IFNA8: variants seen among roughly 807,000 people sequenced by gnomAD.
IFNA8 encodes interferon alpha 8, also known as interferon alpha-8.
For missense variants in IFNA8, 246 were observed against 212.3 expected, an observed-to-expected ratio of 1.16 and a Z score of -0.99; for synonymous variants, 91 against 84.4, an observed-to-expected ratio of 1.08 and a Z score of -0.43.
In IFNA8 at chr9:21,409,298, T is replaced by G. The variant is rs1818011325; in HGVS notation, c.122T>G (p.Leu41Arg). Reference sequence around the variant, plus strand: ...GGTAACAGGAGGGCCTTGATACTCCTGGCACAAATGCGAAGAATCTCTCCT... The same window carrying G: ...GGTAACAGGAGGGCCTTGATACTCCGGGCACAAATGCGAAGAATCTCTCCT... ...SLGNRRALILLAQMRRISPFS... is the reference protein window; with the variant it reads ...SLGNRRALILRAQMRRISPFS... The change falls in exon 1 of 1, where the codon CTG (leucine) becomes CGG (arginine). Residue 41 changes from leucine to arginine, a missense_variant. Transcript: ENST00000380205. 5.6e-6 allele frequency: 9 copies of G among 1,614,074 alleles called. No homozygotes were observed. The highest frequency in any genetic ancestry group is 1.7e-5 in the Admixed American group (1 of 60,012).
chr9:21,409,216 C>G lies in IFNA8; in HGVS notation c.40C>G (p.Leu14Val). 6.2e-7 allele frequency: 1 copy of G among 1,613,992 alleles called. No individual in the cohort carries two copies. Among genetic ancestry groups the G allele is most frequent in the Non-Finnish European group, 8.5e-7 (1 of 1,179,892 alleles). ...TTATTTACTGGTGGCCCTAGTGGTG[C>G]TCAGCTACAAGTCATTCAGCTCTCT... Reference protein sequence around the residue: ...TFYLLVALVVLSYKSFSSLGC... With the variant: ...TFYLLVALVVVSYKSFSSLGC... Residue 14 changes from leucine (L) to valine (V), a missense_variant, in exon 1 of 1, where the codon CTC becomes GTC. Leu to Val is a conservative substitution (Grantham distance 32, BLOSUM62 1). Transcript: ENST00000380205.
Position 21,409,848 on chromosome 9 carries a change from C to A in IFNA8, c.*102C>A. The A allele has an allele frequency of 9.3e-7, 1 of 1,069,940 alleles. No homozygotes were observed. Among genetic ancestry groups the A allele is most frequent in the Non-Finnish European group, 1.4e-6 (1 of 718,034 alleles). The allele number at this position is 1,069,940 out of a possible 1,614,324, so 66.3% of individuals were successfully genotyped here. A position where few individuals can be genotyped will look rare whatever the true frequency, so the allele number is the denominator to read the frequency against. ...GACCCTTGTTTCTGCCAAAACCATGCTATGAATTGAATCAAATGTGTCAAG... is the reference window on the plus strand; with the variant it reads ...GACCCTTGTTTCTGCCAAAACCATGATATGAATTGAATCAAATGTGTCAAG... On this transcript the variant is annotated 3_prime_UTR_variant, in exon 1 of 1. Coordinates refer to ENST00000380205, the MANE Select transcript of IFNA8 (RefSeq NM_002170.4).
At position 21,409,697 on chromosome 9, in the gene IFNA8, C is replaced by A. The variant is rs1189710241; in HGVS notation, c.521C>A (p.Ser174Tyr). 3 of 1,613,738 alleles carry A rather than the reference C, an allele frequency of 1.9e-6. No homozygotes were observed. Among genetic ancestry groups the A allele is most frequent in the Non-Finnish European group, 2.5e-6 (3 of 1,179,808 alleles). The part of the protein sequence containing the change: ...WEVVRAEIMR[S>Y]FSLSINLQKR... The stretch of plus-strand genomic sequence containing the variant: ...GTTGTCAGAGCAGAAATCATGAGAT[C>A]CTTCTCTTTATCAATCAACTTGCAA... The change falls in exon 1 of 1, where the codon TCC becomes TAC. Residue 174 changes from serine (S) to tyrosine (Y), a missense_variant. Transcript: ENST00000380205.
Position 21,409,518 on chromosome 9 carries a change from G to A in IFNA8, c.342G>A (p.Gln114=). Reference sequence around the variant, plus strand: ...ATGAATTCTACATCGAACTTGACCAGCAGCTGAATGACCTGGAGTCCTGTG... The same window carrying A: ...ATGAATTCTACATCGAACTTGACCAACAGCTGAATGACCTGGAGTCCTGTG... The part of the protein sequence containing the change: ...LLDEFYIELD[Q]QLNDLESCVM... The change falls in exon 1 of 1, where the codon CAG becomes CAA. Residue 114 remains glutamine (Q), a synonymous_variant. Transcript: ENST00000380205. 6.2e-7 allele frequency: 1 copy of A among 1,614,048 alleles called. No homozygotes were observed. Among genetic ancestry groups the A allele is most frequent in the Non-Finnish European group, 8.5e-7 (1 of 1,179,950 alleles).
Position 21,409,220 on chromosome 9 carries a change from G to A in IFNA8, c.44G>A (p.Ser15Asn), listed in dbSNP as rs140159649. The A allele has an allele frequency of 6.2e-7, 1 of 1,613,996 alleles. No individual in the cohort carries two copies. Among genetic ancestry groups the A allele is most frequent in the African/African-American group, 1.3e-5 (1 of 75,014 alleles). The part of the protein sequence containing the change: ...FYLLVALVVL[S>N]YKSFSSLGCD... ...TTACTGGTGGCCCTAGTGGTGCTCA[G>A]CTACAAGTCATTCAGCTCTCTGGGC... is the stretch of plus-strand genomic sequence containing the variant. The change falls in exon 1 of 1, where the codon AGC becomes AAC. Residue 15 changes from serine to asparagine, a missense_variant. Physicochemically the swap from Ser to Asn is conservative, Grantham distance 46 (BLOSUM62 1). Coordinates refer to ENST00000380205, the MANE Select transcript of IFNA8 (RefSeq NM_002170.4).
In IFNA8 at chr9:21,409,677, C is replaced by A. The variant is rs1818019393; in HGVS notation, c.501C>A (p.Val167=). 2 of 1,613,790 alleles carry A rather than the reference C, an allele frequency of 1.2e-6. No individual in the cohort carries two copies. Among genetic ancestry groups the A allele is most frequent in the Non-Finnish European group, 1.7e-6 (2 of 1,179,830 alleles). Residue 167 remains valine (V), a synonymous_variant, in exon 1 of 1, where the codon GTC becomes GTA. Transcript: ENST00000380205. ...ACAGCTCTTGTGCCTGGGAGGTTGT[C>A]AGAGCAGAAATCATGAGATCCTTCT... ...KKYSSCAWEV[V]RAEIMRSFSL...
In IFNA8 at chr9:21,410,000, T is replaced by C; in HGVS notation, c.*254T>C. On this transcript the variant is annotated 3_prime_UTR_variant, in exon 1 of 1. Coordinates refer to ENST00000380205, the MANE Select transcript of IFNA8 (RefSeq NM_002170.4). ...TTATTTAGTTAACTATCTATAGGGC[T>C]TAAATTAGTTTTGTTCATATTATAT... The C allele has an allele frequency of 3.4e-6, 1 of 298,160 alleles. No homozygotes were observed. The highest frequency in any genetic ancestry group is 5.2e-5 in the South Asian group (1 of 19,292). The allele number at this position is 298,160 out of a possible 1,614,324, so 18.5% of individuals were successfully genotyped here. A position where few individuals can be genotyped will look rare whatever the true frequency, so the allele number is the denominator to read the frequency against.
Position 21,409,557 on chromosome 9 carries a change from G to T in IFNA8, c.381G>T (p.Val127=). 6.2e-7 allele frequency: 1 copy of T among 1,614,030 alleles called. No individual in the cohort carries two copies. The highest frequency in any genetic ancestry group is 8.5e-7 in the Non-Finnish European group (1 of 1,179,918). Residue 127 remains valine (V), a synonymous_variant, in exon 1 of 1, where the codon GTG becomes GTT. Transcript: ENST00000380205. ...NDLESCVMQE[V]GVIESPLMYE... is the part of the protein sequence containing the mutation. The stretch of plus-strand genomic sequence containing the variant: ...TGGAGTCCTGTGTGATGCAGGAAGT[G>T]GGGGTGATAGAGTCTCCCCTGATGT...
rs1459322838 is a variant in IFNA8, at chr9:21,409,633, T to C, written c.457T>C (p.Tyr153His). 2 of 1,613,950 alleles carry C rather than the reference T, an allele frequency of 1.2e-6. No homozygotes were observed. The highest frequency in any genetic ancestry group is 1.1e-5 in the South Asian group (1 of 91,078). The part of the protein sequence containing the change: ...VRKYFQRITL[Y>H]LTEKKYSSCA... ...GAAATACTTCCAAAGAATCACTCTA[T>C]ATCTGACAGAGAAGAAATACAGCTC... The change falls in exon 1 of 1, where the codon TAT becomes CAT. Residue 153 changes from tyrosine (Y) to histidine (H), a missense_variant. Physicochemically the swap from Tyr to His is moderately conservative, Grantham distance 83 (BLOSUM62 2). Coordinates refer to ENST00000380205, the MANE Select transcript of IFNA8 (RefSeq NM_002170.4).
Position 21,409,967 on chromosome 9 carries a change from T to G in IFNA8, c.*221T>G. ...CTGATGGATCTATTCATCTATTTATTTAAATCTTTATTTAGTTAACTATCT... is the reference window on the plus strand; with the variant it reads ...CTGATGGATCTATTCATCTATTTATGTAAATCTTTATTTAGTTAACTATCT... On this transcript the variant is annotated 3_prime_UTR_variant, in exon 1 of 1. Coordinates refer to ENST00000380205, the MANE Select transcript of IFNA8 (RefSeq NM_002170.4). 2 of 414,872 alleles carry G rather than the reference T, an allele frequency of 4.8e-6. No individual in the cohort carries two copies. The highest frequency in any genetic ancestry group is 4.5e-6 in the Non-Finnish European group (1 of 220,522). The allele number at this position is 414,872 out of a possible 1,614,324, so 25.7% of individuals were successfully genotyped here.
rs757882214 is a variant in IFNA8 at position 21,409,266 on chromosome 9, C to T, written c.90C>T (p.His30=). Residue 30 remains histidine (H), a synonymous_variant, in exon 1 of 1, where the codon CAC becomes CAT. Transcript: ENST00000380205. ...SSLGCDLPQT[H]SLGNRRALIL... ...TGGGCTGTGATCTGCCTCAGACTCA[C>T]AGCCTGGGTAACAGGAGGGCCTTGA... The T allele has an allele frequency of 9.3e-6, 15 of 1,613,950 alleles. No individual in the cohort carries two copies. The highest frequency in any genetic ancestry group is 1.1e-5 in the Non-Finnish European group (13 of 1,179,952).
At position 21,409,922 on chromosome 9, in the gene IFNA8, G is replaced by C. The variant is rs764826921; in HGVS notation, c.*176G>C. ...ATCCTGTTCAGCTGTATGGGCACTA[G>C]TCCCTTACAGATGACCATGCTGATG... On this transcript the variant is annotated 3_prime_UTR_variant, in exon 1 of 1. Coordinates refer to ENST00000380205, the MANE Select transcript of IFNA8 (RefSeq NM_002170.4). 6.1e-5 allele frequency: 34 copies of C among 560,734 alleles called. No individual in the cohort carries two copies. Among genetic ancestry groups the C allele is most frequent in the Admixed American group, 3.5e-4 (11 of 31,238 alleles). 34.7% of individuals were successfully genotyped at this position (560,734 alleles called of 1,614,324 possible). A position where few individuals can be genotyped will look rare whatever the true frequency, so the allele number is the denominator to read the frequency against.
chr9:21,409,565 T>G lies in IFNA8; in HGVS notation c.389T>G (p.Ile130Arg), dbSNP rs28383787. 58 of 1,613,760 alleles carry G rather than the reference T, an allele frequency of 3.6e-5. No homozygotes were observed. The highest frequency in any genetic ancestry group is 4.8e-5 in the Non-Finnish European group (57 of 1,179,852). The stretch of plus-strand genomic sequence containing the variant: ...TGTGTGATGCAGGAAGTGGGGGTGA[T>G]AGAGTCTCCCCTGATGTACGAGGAC... ...ESCVMQEVGV[I>R]ESPLMYEDSI... is the part of the protein sequence containing the mutation. Residue 130 changes from isoleucine (I) to arginine (R), a missense_variant, in exon 1 of 1, where the codon ATA becomes AGA. Coordinates refer to ENST00000380205, the MANE Select transcript of IFNA8 (RefSeq NM_002170.4).
At position 21,409,693 on chromosome 9, in the gene IFNA8, A is replaced by G; in HGVS notation, c.517A>G (p.Arg173Gly). The G allele has an allele frequency of 6.2e-7, 1 of 1,613,934 alleles. No individual in the cohort carries two copies. Among genetic ancestry groups the G allele is most frequent in the Non-Finnish European group, 8.5e-7 (1 of 1,179,814 alleles). Reference sequence around the variant, plus strand: ...GGAGGTTGTCAGAGCAGAAATCATGAGATCCTTCTCTTTATCAATCAACTT... The same window carrying G: ...GGAGGTTGTCAGAGCAGAAATCATGGGATCCTTCTCTTTATCAATCAACTT... Reference protein sequence around the residue: ...AWEVVRAEIMRSFSLSINLQK... With the variant: ...AWEVVRAEIMGSFSLSINLQK... The change falls in exon 1 of 1, where the codon AGA becomes GGA. Residue 173 changes from arginine (R) to glycine (G), a missense_variant. Transcript: ENST00000380205.
Position 21,409,452 on chromosome 9 carries a change from C to T in IFNA8, c.276C>T (p.Ser92=). 6 of 1,614,100 alleles carry T rather than the reference C, an allele frequency of 3.7e-6. No homozygotes were observed. The highest frequency in any genetic ancestry group is 1.1e-5 in the South Asian group (1 of 91,082). ...TCCAGCAGACCTTCAACCTCTTCAG[C>T]ACAAAGGACTCATCTGCTGCTTTGG... ...EMIQQTFNLF[S]TKDSSAALDE... is the part of the protein sequence containing the mutation. The change falls in exon 1 of 1, where the codon AGC becomes AGT. Residue 92 remains serine, a synonymous_variant. Transcript: ENST00000380205.
chr9:21,409,838 CA>C lies in IFNA8; in HGVS notation c.*96del. The C allele has an allele frequency of 8.8e-7, 1 of 1,141,890 alleles. No homozygotes were observed. The highest frequency in any genetic ancestry group is 2.4e-5 in the East Asian group (1 of 42,120). The allele number at this position is 1,141,890 out of a possible 1,614,324, so 70.7% of individuals were successfully genotyped here. Reference sequence around the variant, plus strand: ...CTCTTTCAAAGACCCTTGTTTCTGCCAAAACCATGCTATGAATTGAATCAAA... The same window carrying C: ...CTCTTTCAAAGACCCTTGTTTCTGCCAAACCATGCTATGAATTGAATCAAA... On this transcript the variant is annotated 3_prime_UTR_variant, in exon 1 of 1. Transcript: ENST00000380205.
chr9:21,409,489 C>G lies in IFNA8; in HGVS notation c.313C>G (p.Leu105Val). 6.2e-7 allele frequency: 1 copy of G among 1,614,092 alleles called. No homozygotes were observed. Among genetic ancestry groups the G allele is most frequent in the Non-Finnish European group, 8.5e-7 (1 of 1,179,980 alleles). Residue 105 changes from leucine (L) to valine (V), a missense_variant, in exon 1 of 1, where the codon CTA becomes GTA. Coordinates refer to ENST00000380205, the MANE Select transcript of IFNA8 (RefSeq NM_002170.4). The stretch of plus-strand genomic sequence containing the variant: ...ATCTGCTGCTTTGGATGAGACCCTT[C>G]TAGATGAATTCTACATCGAACTTGA... ...DSSAALDETLLDEFYIELDQQ... is the reference protein window; with the variant it reads ...DSSAALDETLVDEFYIELDQQ...
Position 21,409,804 on chromosome 9 carries a change from C to T in IFNA8, c.*58C>T, listed in dbSNP as rs954368365. 1.1e-5 allele frequency: 16 copies of T among 1,459,346 alleles called. No homozygotes were observed. In the African/African-American group the frequency reaches 2.3e-4, roughly 21 times the overall value. The allele number at this position is 1,459,346 out of a possible 1,614,324, so 90.4% of individuals were successfully genotyped here. On this transcript the variant is annotated 3_prime_UTR_variant, in exon 1 of 1. Transcript: ENST00000380205. ...ACTAATACAGCAGCTCACACTTCGA[C>T]AAGTTGTGCTCTTTCAAAGACCCTT...
chr9:21,409,786 C>T lies in IFNA8; in HGVS notation c.*40C>T. Reference sequence around the variant, plus strand: ...CGGAAATGATTCTTATAGACTAATACAGCAGCTCACACTTCGACAAGTTGT... The same window carrying T: ...CGGAAATGATTCTTATAGACTAATATAGCAGCTCACACTTCGACAAGTTGT... On this transcript the variant is annotated 3_prime_UTR_variant, in exon 1 of 1. Transcript: ENST00000380205. 6.5e-7 allele frequency: 1 copy of T among 1,538,226 alleles called. No homozygotes were observed. The highest frequency in any genetic ancestry group is 1.1e-5 in the South Asian group (1 of 88,054).
Sources: allele counts gnomAD v4.1 joint callset, GRCh38; gene constraint gnomAD v4.1.1; transcripts MANE v1.5; gene names NCBI Gene and HGNC (gene_info 2026-07-23, HGNC 2026-07-21).